The following LINGO2 variants were observed in gnomAD, a reference collection of about 807,000 sequenced individuals.
LINGO2 encodes leucine rich repeat and Ig domain containing 2.
In LINGO2, 14 loss-of-function variants were observed where a neutral mutation model predicts 30.6. The ratio of observed to expected loss-of-function variants is 0.46; its 90% CI spans 0.30 to 0.72. The LOEUF (loss-of-function observed/expected upper bound fraction) is 0.72, where lower values mean the gene tolerates loss of function less well. LINGO2 is among the 30% of genes least tolerant of loss of function. The probability of loss-of-function intolerance (pLI) is 0.07; values close to 1 mark genes in which losing one functional copy is unlikely to be tolerated. For missense variants in LINGO2, 729 were observed against 751.7 expected (o/e 0.97, Z 0.35); for synonymous variants, 317 against 288.5 (o/e 1.10, Z -1.00).
chr9:29,169,520 GA>G, the LINGO2 span, among the ~76,000 whole-genome samples: 659 of 150,068 alleles, frequency 4.4e-3, 4 homozygotes, highest in African/African-American at 0.015. Flanking sequence ...ACAAACATAT[GA>G]AAAAAAAATA....
intron 2 of LINGO2, among the ~76,000 whole-genome samples, chr9:28,436,580 C>T (rs1823942498): frequency 2.0e-5 from 3 of 151,992 alleles, no homozygotes; most frequent in African/African-American, 7.2e-5. Context: ...GCCTCAGCCT[C>T]CAGATTAGCT....
chr9:28,548,164 TC>T (rs1459956657), intron 1 of LINGO2, among the ~76,000 whole-genome samples: 1 of 152,020 alleles, frequency 6.6e-6, no homozygotes, highest in African/African-American at 2.4e-5. Flanking sequence ...GAAGTTCAAA[TC>T]CTTTTATCAC....
chr9:29,138,842 T>C, the LINGO2 span, among the ~76,000 whole-genome samples: 1 of 152,300 alleles, frequency 6.6e-6, no homozygotes, highest in East Asian at 1.9e-4. Context: ...ACAAGTTCTG[T>C]GGTAGACAGC....
intron 5 of LINGO2, among the ~76,000 whole-genome samples, chr9:28,003,623 G>A (rs1048138704): frequency 1.3e-5 from 2 of 152,002 alleles, no homozygotes; most frequent in African/African-American, 4.8e-5. Context: ...CACCACACCC[G>A]GCTAATTTTT....
At chr9:28,952,221 C>G in the LINGO2 span, among the ~76,000 whole-genome samples, 1 of 152,118 alleles carries the variant, frequency 6.6e-6, no homozygotes, top group Non-Finnish European at 1.5e-5. Context: ...TCTAACCTTA[C>G]TCTTAAGAGT....
intron 1 of LINGO2, among the ~76,000 whole-genome samples, chr9:28,480,847 T>G (rs1825934210): frequency 6.6e-6 from 1 of 152,124 alleles, no homozygotes; most frequent in Non-Finnish European, 1.5e-5. Context: ...TTGACTTTCC[T>G]GAAGAAACAA....
At chr9:28,906,838 T>C in the LINGO2 span, among the ~76,000 whole-genome samples, 1 of 151,860 alleles carries the variant, frequency 6.6e-6, no homozygotes, top group African/African-American at 2.4e-5. Flanking sequence ...GGCAAAACAA[T>C]ACAAGGTACT....
the LINGO2 span, among the ~76,000 whole-genome samples, chr9:28,883,955 G>A: frequency 1.3e-5 from 2 of 151,460 alleles, no homozygotes; most frequent in Non-Finnish European, 2.9e-5. Flanking sequence ...TGGGATTACA[G>A]GCGTGAGCCA....
intron 1 of LINGO2, among the ~76,000 whole-genome samples, chr9:28,662,706 T>C (rs1475762166): frequency 3.3e-5 from 5 of 152,156 alleles, no homozygotes; most frequent in Non-Finnish European, 7.4e-5. Context: ...TGTAGCGCTA[T>C]AATGTTAATT....
intron 1 of LINGO2, among the ~76,000 whole-genome samples, chr9:28,575,258 C>T (rs114557377): frequency 0.018 from 2,675 of 151,928 alleles, 89 homozygotes; most frequent in African/African-American, 0.061. Context: ...AATTAGCCTG[C>T]GCAGTGGCGG....
the LINGO2 span, among the ~76,000 whole-genome samples, chr9:28,918,692 C>CGCATACTTGAA: frequency 6.6e-6 from 1 of 152,134 alleles, no homozygotes; most frequent in Non-Finnish European, 1.5e-5. Flanking sequence ...ACATATATTT[C>CGCATACTTGAA]AACGTATGCG....
At chr9:28,656,368 T>C (rs964447587) in intron 1 of LINGO2, among the ~76,000 whole-genome samples, 3 of 152,004 alleles carry the variant, frequency 2.0e-5, no homozygotes, top group East Asian at 1.9e-4. Flanking sequence ...AAGTATACAA[T>C]AGAAAAATCA....
At chr9:28,265,928 C>T (rs916880676) in intron 4 of LINGO2, among the ~76,000 whole-genome samples, 16 of 151,888 alleles carry the variant, frequency 1.1e-4, no homozygotes, top group African/African-American at 3.6e-4. Context: ...TACCCTGTCA[C>T]ATTCAAAGAG....
chr9:28,053,015 G>A (rs1489767000), intron 4 of LINGO2, among the ~76,000 whole-genome samples: 2 of 152,038 alleles, frequency 1.3e-5, no homozygotes, highest in Admixed American at 6.6e-5. Flanking sequence ...ACCAATATAG[G>A]TATGTTTTCT....
At chr9:28,997,907 G>A in the LINGO2 span, among the ~76,000 whole-genome samples, 1 of 151,930 alleles carries the variant, frequency 6.6e-6, no homozygotes, top group South Asian at 2.1e-4. Context: ...CAATTATCAT[G>A]CACCATTGTG....
the LINGO2 span, among the ~76,000 whole-genome samples, chr9:28,850,362 C>A: frequency 6.6e-6 from 1 of 151,912 alleles, no homozygotes; most frequent in Non-Finnish European, 1.5e-5. Context: ...GAAATGCACA[C>A]TCCTGGTTCC....
the LINGO2 span, among the ~76,000 whole-genome samples, chr9:28,833,485 T>C: frequency 6.6e-6 from 1 of 152,164 alleles, no homozygotes; most frequent in African/African-American, 2.4e-5. Context: ...TTTAATGATA[T>C]GTAATGGAAC....
the LINGO2 span, among the ~76,000 whole-genome samples, chr9:28,702,044 T>C: frequency 6.6e-6 from 1 of 151,928 alleles, no homozygotes; most frequent in African/African-American, 2.4e-5. Context: ...ATTTTCTACA[T>C]AGGAAATCAC....
chr9:28,238,644 A>C (rs1821666059), intron 4 of LINGO2, among the ~76,000 whole-genome samples: 1 of 152,100 alleles, frequency 6.6e-6, no homozygotes. Context: ...TATGGCAAAA[A>C]CAGTACTAAG....
Sources: gnomAD v4.1 joint callset for allele counts (sites outside exome capture counted in the v4.1 genomes callset) on GRCh38, gnomAD v4.1.1 for gene constraint, MANE v1.5 for transcripts, NCBI Gene and HGNC (gene_info 2026-07-23, HGNC 2026-07-21) for gene names.